The following TUBGCP2 variants were observed in gnomAD, a reference collection of about 807,000 sequenced individuals.
The protein encoded by TUBGCP2 is tubulin gamma complex component 2.
A neutral mutation model predicts 92.2 loss-of-function variants in TUBGCP2; 55 were observed. That is an observed-to-expected ratio of 0.60 (90% CI 0.48 to 0.75). The LOEUF is 0.75. Ranked by LOEUF, TUBGCP2 falls within the 30% of genes least tolerant of loss-of-function variation. The pLI, the probability that TUBGCP2 is intolerant of heterozygous loss-of-function variation, is 0.00. For missense variants in TUBGCP2, 1,093 were observed against 1,188.9 expected (o/e 0.92, Z 1.19); for synonymous variants, 533 against 505.2 (o/e 1.06, Z -0.74).
chr10:133,281,779 T>C (rs954603016), intron 16 of TUBGCP2, among the ~76,000 whole-genome samples: 1 of 152,164 alleles, frequency 6.6e-6, no homozygotes, highest in African/African-American at 2.4e-5. Context: ...CCAACTCCTC[T>C]CTGCCAGCTC....
intron 8 of TUBGCP2, among the ~76,000 whole-genome samples, chr10:133,291,317 A>C (rs1564938937): frequency 4.3e-4 from 19 of 44,082 alleles, no homozygotes; most frequent in East Asian, 2.0e-3. Flanking sequence ...CCTGTACGGG[A>C]GAGGGCAGCA....
chr10:133,309,291 G>A (rs1381265802), upstream of TUBGCP2: 1 of 1,452,042 alleles, frequency 6.9e-7, no homozygotes, highest in Non-Finnish European at 9.3e-7. Flanking sequence ...GGGCGGGACC[G>A]GAGCGCGGGA....
rs754623314 is a variant in TUBGCP2 at position 133,299,653 on chromosome 10, C to T, written c.280-50G>A. Reference sequence around the variant, plus strand: ...TCACACTGGGCCAGCACCTCTTTGGCCATAGGGGGAGAGTAGGGACGACAC... The same window carrying T: ...TCACACTGGGCCAGCACCTCTTTGGTCATAGGGGGAGAGTAGGGACGACAC... On this transcript the variant is annotated intron_variant, in intron 3 of 17. Transcript: ENST00000252936. 7 of 1,505,034 alleles carry T rather than the reference C, an allele frequency of 4.7e-6. No individual in the cohort carries two copies. In the East Asian group the frequency reaches 1.4e-4, roughly 29 times the overall value. 93.2% of individuals were successfully genotyped at this position (1,505,034 alleles called of 1,614,324 possible).
At chr10:133,287,404 C>T (rs1847157784) in intron 11 of TUBGCP2, among the ~76,000 whole-genome samples, 1 of 152,134 alleles carries the variant, frequency 6.6e-6, no homozygotes, top group Non-Finnish European at 1.5e-5. Flanking sequence ...ACACAGACCC[C>T]CGTCTCTATT....
At chr10:133,310,414 G>A, upstream of TUBGCP2, 1 of 1,223,468 alleles carries the variant, frequency 8.2e-7, no homozygotes, top group Non-Finnish European at 1.1e-6. Flanking sequence ...GTGTTCACCT[G>A]CAGGTACCTG....
At chr10:133,301,846 C>G (rs538713269) in intron 2 of TUBGCP2, 28 of 151,666 alleles carry the variant, frequency 1.8e-4, no homozygotes, top group African/African-American at 6.5e-4. Context: ...CCCCGAGTAG[C>G]TGGGATTACA....
chr10:133,306,654 G>T (rs988319483), intron 1 of TUBGCP2, among the ~76,000 whole-genome samples: 16 of 152,102 alleles, frequency 1.1e-4, no homozygotes, highest in Admixed American at 1.0e-3. Flanking sequence ...CGGGGGTGGT[G>T]GCGGGCGCTT....
intron 7 of TUBGCP2, 59 bp from the exon 8 acceptor site, chr10:133,292,747 A>G (rs1847389238): frequency 1.5e-5 from 23 of 1,550,300 alleles, no homozygotes; most frequent in Non-Finnish European, 1.8e-5. Context: ...GCCTCTGCCA[A>G]CAACACTGCT....
intron 9 of TUBGCP2, 144 bp from the exon 10 acceptor site, chr10:133,289,164 C>T: frequency 1.1e-6 from 1 of 943,660 alleles, no homozygotes; most frequent in Non-Finnish European, 1.5e-6. Context: ...TCTTTGTCTA[C>T]ACAGAAGGCA....
chr10:133,288,377 TGAGCACGTGCCCACCCGCAGGTGC>T (rs1847186808), intron 10 of TUBGCP2, 68 bp from the exon 11 acceptor site: 1 of 1,559,894 alleles, frequency 6.4e-7, no homozygotes, highest in African/African-American at 1.4e-5. Context: ...GGAGCAGGCG[TGAGCACGTGCCCACCCGCAGGTGC>T]CCGCCACAGC....
intron 2 of TUBGCP2, 131 bp from the exon 3 acceptor site, chr10:133,300,244 A>G (rs1847610280): frequency 5.4e-6 from 6 of 1,108,616 alleles, no homozygotes; most frequent in Non-Finnish European, 7.6e-6. Context: ...ATCCCTCTGA[A>G]ATAAACTAAC....
intron 15 of TUBGCP2, 121 bp downstream of exon 15, chr10:133,282,957 C>T: frequency 1.5e-6 from 2 of 1,360,706 alleles, no homozygotes; most frequent in Non-Finnish European, 2.0e-6. Flanking sequence ...ACTCAGATCC[C>T]AGCGGCTCCT....
At position 133,302,993 on chromosome 10, in the gene TUBGCP2, A is replaced by G. The variant is rs2136139680; in HGVS notation, c.-39-13T>C. ...ACAATATGTTCTCCTATAGGTAAGA[A>G]GACAGCTATTCATAAAATTCAAACT... On this transcript the variant is annotated splice_polypyrimidine_tract_variant and intron_variant, in intron 1 of 17. Transcript: ENST00000252936. 6.2e-7 allele frequency: 1 copy of G among 1,602,912 alleles called. No individual in the cohort carries two copies. The highest frequency in any genetic ancestry group is 1.1e-5 in the South Asian group (1 of 90,808).
upstream of TUBGCP2, chr10:133,311,833 C>T (rs746144174): frequency 6.2e-7 from 1 of 1,613,396 alleles, no homozygotes; most frequent in Admixed American, 1.7e-5. Flanking sequence ...GGCGGATCTA[C>T]AGACATAGGT....
intron 4 of TUBGCP2, among the ~76,000 whole-genome samples, chr10:133,299,053 T>C (rs1031721693): frequency 7.2e-5 from 11 of 152,130 alleles, no homozygotes; most frequent in Middle Eastern, 3.2e-3. Context: ...TTCGAGAATC[T>C]TGAAAATATA....
At chr10:133,303,926 G>A (rs1564774469) in intron 1 of TUBGCP2, among the ~76,000 whole-genome samples, 1 of 152,238 alleles carries the variant, frequency 6.6e-6, no homozygotes, top group East Asian at 1.9e-4. Flanking sequence ...TGGGGTCAGG[G>A]TGTAGGGTGA....
upstream of TUBGCP2, chr10:133,310,260 C>G: frequency 6.2e-7 from 1 of 1,613,978 alleles, no homozygotes; most frequent in Non-Finnish European, 8.5e-7. Context: ...CGCGGACTTC[C>G]GGTTTGATAA....
chr10:133,285,299 G>A lies in TUBGCP2; in HGVS notation c.1896-86C>T, dbSNP rs775905562. Reference sequence around the variant, plus strand: ...GCGTCTGTACTCCACAGTCCGCACCGTGGCCCCCGGACAGCCCGTGAATCT... The same window carrying A: ...GCGTCTGTACTCCACAGTCCGCACCATGGCCCCCGGACAGCCCGTGAATCT... On this transcript the variant is annotated intron_variant, in intron 12 of 17. Transcript: ENST00000252936. The surrounding 1 kb of genome is among the most constrained non-coding windows in gnomAD (Gnocchi z 6.8). 42 of 1,595,902 alleles carry A rather than the reference G, an allele frequency of 2.6e-5. No individual in the cohort carries two copies. The highest frequency in any genetic ancestry group is 2.1e-4 in the South Asian group (19 of 89,472).
upstream of TUBGCP2, chr10:133,309,270 C>A: frequency 7.2e-7 from 1 of 1,379,622 alleles, no homozygotes; most frequent in Admixed American, 2.2e-5. Flanking sequence ...TGGGCGGGGC[C>A]TGAGGCTGTG....
Sources: gnomAD v4.1 joint callset for allele counts (sites outside exome capture counted in the v4.1 genomes callset) on GRCh38, gnomAD v4.1.1 for gene constraint, Gnocchi (gnomAD v3.1) non-coding constraint, MANE v1.5 for transcripts, NCBI Gene and HGNC (gene_info 2026-07-23, HGNC 2026-07-21) for gene names.